The following PIK3R3 variants were observed in gnomAD, a reference collection of about 807,000 sequenced individuals.
PIK3R3 encodes phosphatidylinositol 3-kinase regulatory subunit gamma.
PIK3R3 carries 64 observed loss-of-function variants against 62.9 expected under a neutral mutation model. The ratio of observed to expected loss-of-function variants is 1.02; its 90% CI spans 0.83 to 1.25. The LOEUF (loss-of-function observed/expected upper bound fraction) is 1.25. Among genes scored for constraint, PIK3R3 ranks in the 50% most tolerant of loss-of-function variants. PIK3R3 has a pLI of 0.00. For synonymous variants in PIK3R3, 165 were observed against 189.0 expected (o/e 0.87, Z 1.04); for missense variants, 614 against 561.6 (o/e 1.09, Z -0.94).
chr1:46,148,387 A>G, the PIK3R3 span, among the ~76,000 whole-genome samples: 2 of 152,202 alleles, frequency 1.3e-5, no homozygotes, highest in South Asian at 4.1e-4. Flanking sequence ...TGTTTCCCCA[A>G]GAGGTCACAA....
rs964048108 is a variant in PIK3R3 at position 46,055,777 on chromosome 1, C to T, written c.941+18G>A. On this transcript the variant is annotated intron_variant, in intron 7 of 9. Transcript: ENST00000262741. ...TGGCACTAACGTCTCCCTCCCCATA[C>T]ACTCCCAGACTACTTACACAAGGTG... is the stretch of plus-strand genomic sequence containing the variant. 8.4e-6 allele frequency: 13 copies of T among 1,539,970 alleles called. No individual in the cohort carries two copies. The African/African-American group carries it at 1.4e-4, about 17-fold the overall frequency.
chr1:46,132,829 C>A, upstream of PIK3R3: 1 of 1,214,840 alleles, frequency 8.2e-7, no homozygotes. Context: ...AAGCTGCTCT[C>A]CATCTCGACT....
chr1:46,043,890 G>A lies in PIK3R3; in HGVS notation c.1188-19C>T, dbSNP rs1394719229. 1.2e-6 allele frequency: 2 copies of A among 1,600,756 alleles called. No individual in the cohort carries two copies. The highest frequency in any genetic ancestry group is 1.7e-6 in the Non-Finnish European group (2 of 1,170,802). On this transcript the variant is annotated intron_variant, in intron 9 of 9. Transcript: ENST00000262741. ...ATCGGCCCTGCAATGACAAACCACA[G>A]AAGAAATGTTAAGGTAGGTAACAAT...
intron 1 of PIK3R3, among the ~76,000 whole-genome samples, chr1:46,088,659 A>G (rs1242178480): frequency 6.6e-6 from 1 of 152,182 alleles, no homozygotes; most frequent in African/African-American, 2.4e-5. Flanking sequence ...ATCAACTCAG[A>G]AGATCCAGCA....
intron 1 of PIK3R3, among the ~76,000 whole-genome samples, chr1:46,084,611 C>T (rs2149419307): frequency 6.6e-6 from 1 of 152,112 alleles, no homozygotes; most frequent in South Asian, 2.1e-4. Flanking sequence ...TTCTACTTAC[C>T]CACTTAACAC....
At chr1:46,084,964 C>T (rs1650929292) in intron 1 of PIK3R3, among the ~76,000 whole-genome samples, 1 of 152,146 alleles carries the variant, frequency 6.6e-6, no homozygotes, top group African/African-American at 2.4e-5. Flanking sequence ...TTCTACATCC[C>T]TTCACTGGAG....
In PIK3R3 at chr1:46,050,272, T is replaced by C. The variant is rs9429181; in HGVS notation, c.942-3647A>G. Among the ~76,000 whole-genome samples, 232 of 151,196 alleles carry C rather than the reference T, an allele frequency of 1.5e-3. 4 individuals are homozygous for C. Among genetic ancestry groups the C allele is most frequent in the African/African-American group, 5.5e-3 (228 of 41,260 alleles). ...TAAAAATTTAGTTATCAGAAATATA[T>C]TAAAGAATGAAGCCAGGTGCGGTGG... On this transcript the variant is annotated intron_variant, in intron 7 of 9. Coordinates refer to ENST00000262741, the MANE Select transcript of PIK3R3 (RefSeq NM_003629.4).
chr1:46,045,590 T>C (rs1647087443), intron 9 of PIK3R3, among the ~76,000 whole-genome samples: 1 of 141,800 alleles, frequency 7.1e-6, no homozygotes. Context: ...ATACTAGACA[T>C]ATAGGATACT....
chr1:46,084,220 G>A (rs947645984), intron 1 of PIK3R3, among the ~76,000 whole-genome samples: 3 of 152,112 alleles, frequency 2.0e-5, no homozygotes, highest in Admixed American at 2.0e-4. Context: ...CTATAGAGAC[G>A]GAAAGTAAAT....
At chr1:46,132,751 C>A (rs117120519), upstream of PIK3R3, 4 of 1,284,530 alleles carry the variant, frequency 3.1e-6, no homozygotes, top group East Asian at 2.2e-4. Context: ...GGCATCACCA[C>A]CGCCCCTTCC....
At chr1:46,167,683 T>C in the PIK3R3 span, among the ~76,000 whole-genome samples, 2 of 152,182 alleles carry the variant, frequency 1.3e-5, no homozygotes, top group Non-Finnish European at 2.9e-5. Context: ...TACTGTGTGC[T>C]CACAGAGCAC....
chr1:46,145,373 A>ATTT, the PIK3R3 span, among the ~76,000 whole-genome samples: 2 of 146,406 alleles, frequency 1.4e-5, no homozygotes, highest in African/African-American at 5.3e-5. Flanking sequence ...TAACTTTTTA[A>ATTT]AAAAAAAAAA....
Position 46,129,575 on chromosome 1 carries a change from A to AG in PIK3R3, c.106+2271_106+2272insC, listed in dbSNP as rs575180523. 9.9e-5 allele frequency among the ~76,000 whole-genome samples: 15 copies of AG among 152,270 alleles called. No homozygotes were observed. In the East Asian group the frequency reaches 2.9e-3, roughly 29 times the overall value. ...GGATAGAAATGGGAGAGCAGTTAGTACGCTATCACAGCAGTCCAGGAAGGA... is the reference window on the plus strand; with the variant it reads ...GGATAGAAATGGGAGAGCAGTTAGTAGCGCTATCACAGCAGTCCAGGAAGGA... On this transcript the variant is annotated intron_variant, in intron 1 of 9. Coordinates refer to ENST00000262741, the MANE Select transcript of PIK3R3 (RefSeq NM_003629.4).
rs181845975 is a variant in PIK3R3, at chr1:46,101,040, G to A, written c.107-20290C>T. Among the ~76,000 whole-genome samples, 42 of 151,798 alleles carry A rather than the reference G, an allele frequency of 2.8e-4. 1 individual carries two copies. The highest frequency in any genetic ancestry group is 7.9e-4 in the Admixed American group (12 of 15,226). ...AATACAAAAATTAGCTGGGTGTGGT[G>A]GCACATCTGTAATCCCAGCTACTCG... On this transcript the variant is annotated intron_variant, in intron 1 of 9. Transcript: ENST00000262741.
upstream of PIK3R3, among the ~76,000 whole-genome samples, chr1:46,133,357 G>GGGA (rs1655792543): frequency 6.6e-6 from 1 of 152,240 alleles, no homozygotes. Flanking sequence ...AGAGGAGCCA[G>GGGA]GGAGGACCTG....
At chr1:46,058,028 C>T (rs1164774590) in intron 6 of PIK3R3, among the ~76,000 whole-genome samples, 1 of 152,202 alleles carries the variant, frequency 6.6e-6, no homozygotes, top group Non-Finnish European at 1.5e-5. Context: ...GTTTCGTGAG[C>T]TGGGCCCAGG....
At chr1:46,158,948 G>A in the PIK3R3 span, among the ~76,000 whole-genome samples, 14 of 152,132 alleles carry the variant, frequency 9.2e-5, no homozygotes, top group African/African-American at 2.2e-4. Flanking sequence ...TTAGCCAGGC[G>A]TGGTGGCGCG....
At chr1:46,108,218 T>C (rs567726975) in intron 1 of PIK3R3, among the ~76,000 whole-genome samples, 1 of 152,338 alleles carries the variant, frequency 6.6e-6, no homozygotes, top group South Asian at 2.1e-4. Context: ...TAAATGTTAA[T>C]AGCAGAAACA....
At chr1:46,095,768 A>C (rs1184779268) in intron 1 of PIK3R3, among the ~76,000 whole-genome samples, 2 of 152,198 alleles carry the variant, frequency 1.3e-5, no homozygotes, top group African/African-American at 4.8e-5. Context: ...TTCTCCCTCT[A>C]TATCTCTTTC....
Sources: gnomAD v4.1 joint callset for allele counts (sites outside exome capture counted in the v4.1 genomes callset) on GRCh38, gnomAD v4.1.1 for gene constraint, MANE v1.5 for transcripts, NCBI Gene and HGNC (gene_info 2026-07-23, HGNC 2026-07-21) for gene names.